The following WDR49 variants were observed in gnomAD, a reference collection of about 807,000 sequenced individuals.
WDR49 encodes the protein cilia- and flagella-associated protein 337.
In WDR49, 107 loss-of-function variants were observed where a neutral mutation model predicts 119.5. The ratio of observed to expected loss-of-function variants is 0.90; its 90% CI spans 0.77 to 1.05. WDR49 has a LOEUF of 1.05. Ranked by LOEUF, WDR49 falls within the 50% of genes least tolerant of loss-of-function variation. WDR49 has a pLI of 0.00. For missense variants in WDR49, 1,240 were observed against 1,220.5 expected (o/e 1.02, Z -0.24); for synonymous variants, 425 against 418.8 (o/e 1.01, Z -0.18).
intron 5 of WDR49, among the ~76,000 whole-genome samples, chr3:167,618,755 C>T (rs191978490): frequency 5.8e-4 from 89 of 152,260 alleles, no homozygotes; most frequent in African/African-American, 2.1e-3. Flanking sequence ...TAATACTAAA[C>T]TAAATTCCCA....
At chr3:167,644,034 G>T (rs2108342873) in intron 2 of WDR49, among the ~76,000 whole-genome samples, 1 of 147,620 alleles carries the variant, frequency 6.8e-6, no homozygotes, top group Non-Finnish European at 1.5e-5. Context: ...AATAGAAAAT[G>T]ACAAATTCCC....
chr3:167,483,045 C>A (rs1750781640), intron 18 of WDR49, among the ~76,000 whole-genome samples: 1 of 152,096 alleles, frequency 6.6e-6, no homozygotes, highest in African/African-American at 2.4e-5. Flanking sequence ...AAGGAGAAAA[C>A]AAGTTCATTC....
At chr3:167,538,879 C>T (rs1335129744) in intron 10 of WDR49, among the ~76,000 whole-genome samples, 1 of 152,034 alleles carries the variant, frequency 6.6e-6, no homozygotes, top group Admixed American at 6.6e-5. Flanking sequence ...AGGCTAATGC[C>T]CCATTAGAAA....
At chr3:167,549,523 C>T (rs567865743) in intron 10 of WDR49, among the ~76,000 whole-genome samples, 5 of 152,094 alleles carry the variant, frequency 3.3e-5, no homozygotes, top group Middle Eastern at 3.4e-3. Flanking sequence ...ATCCTTCACC[C>T]GCTTTTTCCT....
intron 2 of WDR49, among the ~76,000 whole-genome samples, chr3:167,645,655 G>A (rs1718084777): frequency 6.6e-6 from 1 of 151,790 alleles, no homozygotes; most frequent in Non-Finnish European, 1.5e-5. Context: ...TTTATTTCTT[G>A]TACCAACTCC....
At chr3:167,631,594 G>A (rs1391306796) in intron 2 of WDR49, among the ~76,000 whole-genome samples, 5 of 152,030 alleles carry the variant, frequency 3.3e-5, no homozygotes, top group Admixed American at 3.3e-4. Context: ...CACGTTGATG[G>A]GCTGTTTAGT....
chr3:167,648,368 T>C (rs1718224482), intron 2 of WDR49, among the ~76,000 whole-genome samples: 1 of 152,126 alleles, frequency 6.6e-6, no homozygotes, highest in South Asian at 2.1e-4. Flanking sequence ...GACCGACTAT[T>C]AAAACAAAGA....
At chr3:167,549,050 G>C (rs1042940782) in intron 10 of WDR49, among the ~76,000 whole-genome samples, 2 of 151,866 alleles carry the variant, frequency 1.3e-5, no homozygotes, top group Admixed American at 1.3e-4. Context: ...GCATAATATT[G>C]CATGGTGTAT....
At chr3:167,575,193 C>T (rs1220749457) in intron 8 of WDR49, 4 of 985,336 alleles carry the variant, frequency 4.1e-6, no homozygotes, top group African/African-American at 1.7e-5. Context: ...GCAGGCTAAC[C>T]TCTGATGTTG....
At chr3:167,570,860 A>C (rs1357150978) in intron 8 of WDR49, among the ~76,000 whole-genome samples, 1 of 152,032 alleles carries the variant, frequency 6.6e-6, no homozygotes, top group Non-Finnish European at 1.5e-5. Context: ...ACATGGTGAA[A>C]CCATGTCTCT....
In WDR49 at chr3:167,528,870, AT is replaced by A. The variant is rs373312853; in HGVS notation, c.2406+181del. Among the ~76,000 whole-genome samples the A allele has an allele frequency of 3.3e-5, 5 of 152,220 alleles. No homozygotes were observed. The South Asian group carries it at 1.0e-3, about 32-fold the overall frequency. On this transcript the variant is annotated intron_variant, in intron 14 of 18. Transcript: ENST00000682715. ...GGTTGTCAATATTGAGAAAAACATG[AT>A]TTTCCTCATTAATTATTTAAAAGAA...
At chr3:167,567,043 A>G in intron 8 of WDR49, 1 of 452,900 alleles carries the variant, frequency 2.2e-6, no homozygotes, top group Non-Finnish European at 3.9e-6. Context: ...TTTCTGTCGG[A>G]CTTTTTGCTC....
intron 2 of WDR49, among the ~76,000 whole-genome samples, chr3:167,644,312 T>G (rs1028677839): frequency 3.3e-5 from 5 of 152,116 alleles, no homozygotes; most frequent in Non-Finnish European, 7.4e-5. Context: ...AGAACATTTA[T>G]GTTTGCATTG....
At chr3:167,506,637 T>A (rs1163751605) in intron 16 of WDR49, among the ~76,000 whole-genome samples, 1 of 152,206 alleles carries the variant, frequency 6.6e-6, no homozygotes, top group Non-Finnish European at 1.5e-5. Flanking sequence ...CAATTTTCCC[T>A]ATTATAACAT....
intron 2 of WDR49, among the ~76,000 whole-genome samples, chr3:167,645,629 A>G (rs963534919): frequency 1.3e-5 from 2 of 152,056 alleles, no homozygotes; most frequent in Admixed American, 6.6e-5. Context: ...CTACTTCTGG[A>G]AAATAACTCA....
chr3:167,479,487 A>G (rs1750613685), intron 18 of WDR49, among the ~76,000 whole-genome samples: 2 of 152,220 alleles, frequency 1.3e-5, no homozygotes, highest in African/African-American at 2.4e-5. Flanking sequence ...TATATTGCGC[A>G]TCAGTGAGAA....
intron 5 of WDR49, among the ~76,000 whole-genome samples, chr3:167,612,192 A>G (rs922659056): frequency 3.3e-5 from 5 of 152,204 alleles, no homozygotes; most frequent in African/African-American, 1.2e-4. Flanking sequence ...TCTGGAAACT[A>G]TACAAATACA....
At chr3:167,630,275 T>G (rs544629913) in intron 2 of WDR49, among the ~76,000 whole-genome samples, 98 of 152,186 alleles carry the variant, frequency 6.4e-4, no homozygotes, top group African/African-American at 2.2e-3. Context: ...AAACATTACC[T>G]CTCGCCAAAG....
chr3:167,487,726 G>A (rs931580276), intron 18 of WDR49, among the ~76,000 whole-genome samples: 2 of 151,818 alleles, frequency 1.3e-5, no homozygotes, highest in African/African-American at 2.4e-5. Context: ...GAACATGAAT[G>A]GACACGTCCC....
Sources: allele counts gnomAD v4.1 joint callset (sites outside exome capture counted in the v4.1 genomes callset), GRCh38; gene constraint gnomAD v4.1.1; transcripts MANE v1.5; gene names NCBI Gene and HGNC (gene_info 2026-07-23, HGNC 2026-07-21).